Variants in RIN2 observed in about 807,000 individuals in gnomAD.
The protein encoded by RIN2 is RAB5 interacting protein 2.
Under a neutral mutation model 78.0 loss-of-function variants are expected in RIN2, and 36 were observed. The observed-to-expected ratio is 0.46, with a 90% CI of 0.35 to 0.61. The LOEUF (loss-of-function observed/expected upper bound fraction) is 0.61, where lower values mean the gene tolerates loss of function less well. Among genes scored for constraint, RIN2 ranks in the 20% least tolerant of loss-of-function variants. The pLI is 0.00. For missense variants in RIN2, 1,087 were observed against 1,159.7 expected (o/e 0.94, Z 0.91); for synonymous variants, 466 against 466.8 (o/e 1.00, Z 0.02).
chr20:19,793,191 A>C (rs981165077), intron 1 of RIN2, among the ~76,000 whole-genome samples: 10 of 152,222 alleles, frequency 6.6e-5, no homozygotes, highest in Admixed American at 4.6e-4. Context: ...ATTAATTTTA[A>C]TAAGATATCG....
chr20:19,823,063 T>C (rs1372893894), intron 2 of RIN2, among the ~76,000 whole-genome samples: 1 of 152,076 alleles, frequency 6.6e-6, no homozygotes, highest in Non-Finnish European at 1.5e-5. Flanking sequence ...ACTGTTTTTA[T>C]TCAATGCCCA....
intron 1 of RIN2, among the ~76,000 whole-genome samples, chr20:19,770,348 G>A (rs2034064049): frequency 1.3e-5 from 2 of 152,174 alleles, no homozygotes; most frequent in African/African-American, 4.8e-5. Context: ...TGTTGGGTGA[G>A]TGCTGGAGAA....
chr20:19,784,172 A>C (rs16981118), intron 1 of RIN2, among the ~76,000 whole-genome samples: 9,488 of 152,312 alleles, frequency 0.062, 318 homozygotes, highest in Middle Eastern at 0.11. Flanking sequence ...CTGTAGTTTT[A>C]TTCAGGACAG....
In RIN2 at chr20:19,802,471, T is replaced by TA. The variant is rs11300762; in HGVS notation, c.-37+2741dup. Among the ~76,000 whole-genome samples, 586 of 140,052 alleles carry TA rather than the reference T, an allele frequency of 4.2e-3. 5 individuals carry two copies. Among genetic ancestry groups the TA allele is most frequent in the East Asian group, 0.016 (78 of 4,782 alleles). The allele number at this position is 140,052 out of a possible 152,430, so 91.9% of individuals were successfully genotyped here. A position where few individuals can be genotyped will look rare whatever the true frequency, so the allele number is the denominator to read the frequency against. Reference sequence around the variant, plus strand: ...GCACTATCTCTACAAAAAGTTTCTTTAAAAAAAAAAAAAAAAAGTATACCT... The same window carrying TA: ...GCACTATCTCTACAAAAAGTTTCTTTAAAAAAAAAAAAAAAAAAGTATACCT... On this transcript the variant is annotated intron_variant, in intron 2 of 12. Transcript: ENST00000255006.
rs1203966894 is a variant in RIN2 at position 19,869,895 on chromosome 20, G to A, written c.-36-19671G>A. Among the ~76,000 whole-genome samples, 12 of 151,898 alleles carry A rather than the reference G, an allele frequency of 7.9e-5. No individual in the cohort carries two copies. In the South Asian group the frequency reaches 1.7e-3, roughly 21 times the overall value. On this transcript the variant is annotated intron_variant, in intron 2 of 12. Coordinates refer to ENST00000255006, the MANE Select transcript of RIN2 (RefSeq NM_018993.4). The stretch of plus-strand genomic sequence containing the variant: ...AGTGCTGGACCCAAGCAATTCTCCC[G>A]CCTGGGCGTCCCAAAGCATTGGGAT...
At chr20:19,772,513 C>T (rs978875701) in intron 1 of RIN2, among the ~76,000 whole-genome samples, 3 of 152,150 alleles carry the variant, frequency 2.0e-5, no homozygotes, top group African/African-American at 7.2e-5. Flanking sequence ...TGTGACTGAA[C>T]AGTTTGGGTG....
intron 1 of RIN2, among the ~76,000 whole-genome samples, chr20:19,786,106 C>T (rs781756866): frequency 6.6e-6 from 1 of 152,164 alleles, no homozygotes; most frequent in African/African-American, 2.4e-5. Context: ...GCCACAATGT[C>T]ATCACCCATC....
At chr20:19,770,219 TAGAAGCAAAGATA>T (rs939245180) in intron 1 of RIN2, among the ~76,000 whole-genome samples, 58 of 152,340 alleles carry the variant, frequency 3.8e-4, no homozygotes, top group African/African-American at 1.4e-3. Context: ...AATATCATTC[TAGAAGCAAAGATA>T]AAAAGTAATA....
intron 2 of RIN2, among the ~76,000 whole-genome samples, chr20:19,858,516 T>C (rs1197116174): frequency 6.6e-6 from 1 of 152,148 alleles, no homozygotes; most frequent in Non-Finnish European, 1.5e-5. Context: ...GAAATCAACC[T>C]CTTCCGTGCT....
chr20:19,909,308 C>T (rs1037139113), intron 3 of RIN2, among the ~76,000 whole-genome samples: 5 of 152,192 alleles, frequency 3.3e-5, no homozygotes, highest in African/African-American at 1.2e-4. Flanking sequence ...CCTTCCCTGC[C>T]CTACCCCCAA....
At chr20:19,986,214 C>G (rs1306569136) in intron 9 of RIN2, among the ~76,000 whole-genome samples, 2 of 152,044 alleles carry the variant, frequency 1.3e-5, no homozygotes, top group African/African-American at 4.8e-5. Flanking sequence ...TTTTCCTTCT[C>G]GCTTTATGAG....
At chr20:19,803,918 T>C (rs1372385375) in intron 2 of RIN2, among the ~76,000 whole-genome samples, 4 of 152,218 alleles carry the variant, frequency 2.6e-5, no homozygotes, top group Non-Finnish European at 5.9e-5. Flanking sequence ...TTCACTTCTC[T>C]TGTTAGCTGT....
At chr20:19,869,382 A>G (rs1315155480) in intron 2 of RIN2, among the ~76,000 whole-genome samples, 1 of 152,160 alleles carries the variant, frequency 6.6e-6, no homozygotes, top group Non-Finnish European at 1.5e-5. Flanking sequence ...GACTTTTGTG[A>G]CATGGTGAGG....
intron 2 of RIN2, among the ~76,000 whole-genome samples, chr20:19,820,727 C>T (rs73605541): frequency 6.6e-6 from 1 of 152,140 alleles, no homozygotes; most frequent in African/African-American, 2.4e-5. Flanking sequence ...CCATCTGAGT[C>T]CCCTGGGGAG....
At chr20:19,920,189 G>A (rs2039856651) in intron 3 of RIN2, among the ~76,000 whole-genome samples, 2 of 152,026 alleles carry the variant, frequency 1.3e-5, no homozygotes. Flanking sequence ...CCAGCTACTT[G>A]GGAGGCTGAG....
intron 3 of RIN2, among the ~76,000 whole-genome samples, chr20:19,893,519 C>T (rs968922186): frequency 6.6e-6 from 1 of 152,148 alleles, no homozygotes; most frequent in African/African-American, 2.4e-5. Flanking sequence ...GTTAGCACTA[C>T]TAGTGATTTG....
At chr20:19,973,849 C>T (rs144410410) in intron 8 of RIN2, among the ~76,000 whole-genome samples, 74 of 152,162 alleles carry the variant, frequency 4.9e-4, no homozygotes, top group African/African-American at 1.8e-3. Flanking sequence ...CACCACTGAT[C>T]ACAGCACTAC....
chr20:19,891,558 C>T (rs767377589), intron 3 of RIN2, among the ~76,000 whole-genome samples: 3 of 152,158 alleles, frequency 2.0e-5, no homozygotes, highest in Non-Finnish European at 4.4e-5. Context: ...GTGCTTCATG[C>T]CTGTAATTCC....
intron 2 of RIN2, among the ~76,000 whole-genome samples, chr20:19,829,931 G>GC: frequency 6.6e-6 from 1 of 152,362 alleles, no homozygotes; most frequent in East Asian, 1.9e-4. Context: ...GAGCCCATCT[G>GC]CGTGGTAGAA....
Sources: allele counts gnomAD v4.1 joint callset (sites outside exome capture counted in the v4.1 genomes callset), GRCh38; gene constraint gnomAD v4.1.1; transcripts MANE v1.5; gene names NCBI Gene and HGNC (gene_info 2026-07-23, HGNC 2026-07-21).